The following PSMD1 variants were observed in gnomAD, a reference collection of about 807,000 sequenced individuals.
The protein encoded by PSMD1 is proteasome 26S subunit, non-ATPase 1.
A neutral mutation model predicts 119.0 loss-of-function variants in PSMD1; 18 were observed. That is an observed-to-expected ratio of 0.15 (90% CI 0.10 to 0.22). The LOEUF (loss-of-function observed/expected upper bound fraction) is 0.22. Among genes scored for constraint, PSMD1 ranks in the 10% least tolerant of loss-of-function variants. PSMD1 has a pLI of 1.00. For missense variants in PSMD1, 702 were observed against 1,158.5 expected (o/e 0.61, Z 5.72); for synonymous variants, 374 against 396.6 (o/e 0.94, Z 0.68).
chr2:231,098,966 G>A (rs1694799000), intron 16 of PSMD1, among the ~76,000 whole-genome samples: 1 of 152,126 alleles, frequency 6.6e-6, no homozygotes, highest in Non-Finnish European at 1.5e-5. Flanking sequence ...TTTTTACATT[G>A]TTCTACTTCA....
intron 9 of PSMD1, 43 bp from the exon 10 acceptor site, chr2:231,078,616 A>C: frequency 6.7e-7 from 1 of 1,493,890 alleles, no homozygotes; most frequent in Non-Finnish European, 9.2e-7. Flanking sequence ...GCATATATGA[A>C]TACTTTGCCA....
At chr2:231,088,613 T>C (rs1694511823) in intron 16 of PSMD1, among the ~76,000 whole-genome samples, 1 of 152,192 alleles carries the variant, frequency 6.6e-6, no homozygotes, top group Non-Finnish European at 1.5e-5. Context: ...ACCACACCCA[T>C]GTAAAACAGC....
rs898142740 is a variant in PSMD1 at position 231,133,927 on chromosome 2, C to G, written c.1884-4809C>G. On this transcript the variant is annotated intron_variant, in intron 16 of 24. Transcript: ENST00000308696. The stretch of plus-strand genomic sequence containing the variant: ...TGCATATGCCCTTGCACAATTCCTG[C>G]TCTGTGGAAGGCTTGTACAAATAGT... Among the ~76,000 whole-genome samples the G allele has an allele frequency of 2.6e-5, 4 of 152,192 alleles. No individual in the cohort carries two copies. The South Asian group carries it at 6.2e-4, about 24-fold the overall frequency.
chr2:231,112,094 G>A (rs141473825), intron 16 of PSMD1, among the ~76,000 whole-genome samples: 1 of 152,036 alleles, frequency 6.6e-6, no homozygotes, highest in African/African-American at 2.4e-5. Flanking sequence ...TATTCTTAAG[G>A]ATCCATTTCT....
chr2:231,155,325 ATG>A, intron 19 of PSMD1, among the ~76,000 whole-genome samples: 1 of 152,284 alleles, frequency 6.6e-6, no homozygotes, highest in Admixed American at 6.5e-5. Flanking sequence ...TCAACTAGGA[ATG>A]TGTGTATATT....
At chr2:231,096,546 C>G (rs1040021733) in intron 16 of PSMD1, among the ~76,000 whole-genome samples, 1 of 152,290 alleles carries the variant, frequency 6.6e-6, no homozygotes, top group East Asian at 1.9e-4. Flanking sequence ...GTACCTTCTT[C>G]GGGGAACCAC....
rs770350765 is a variant in PSMD1, at chr2:231,060,110, T to TA, written c.17-1156dup. Among the ~76,000 whole-genome samples the TA allele has an allele frequency of 5.3e-5, 8 of 152,378 alleles. No homozygotes were observed. In the East Asian group the frequency reaches 1.5e-3, roughly 29 times the overall value. On this transcript the variant is annotated intron_variant, in intron 1 of 24. Coordinates refer to ENST00000308696, the MANE Select transcript of PSMD1 (RefSeq NM_002807.4). ...TTTAAAGCATTCTGGCCTGTCATCT[T>TA]ACTCCACATCACTAGTTTGCAATTT...
Position 231,072,161 on chromosome 2 carries a change from G to A in PSMD1, c.655-28G>A, listed in dbSNP as rs201324638. 8 of 1,547,964 alleles carry A rather than the reference G, an allele frequency of 5.2e-6. No individual in the cohort carries two copies. In the Admixed American group the frequency reaches 1.4e-4, roughly 26 times the overall value. On this transcript the variant is annotated intron_variant, in intron 6 of 24. Transcript: ENST00000308696. ...CTTGTAGATGAAGTTTTTAATTATTGAATAATTGTTCTTTATCTCCATTTC... is the reference window on the plus strand; with the variant it reads ...CTTGTAGATGAAGTTTTTAATTATTAAATAATTGTTCTTTATCTCCATTTC...
chr2:231,161,285 AC>A lies in PSMD1; in HGVS notation c.2219-54del, dbSNP rs1696634777. ...AGAAAGATATCGTTATTATTGTCCT[AC>A]TATAATAATAGGACAATACTATTAT... On this transcript the variant is annotated intron_variant, in intron 19 of 24. Coordinates refer to ENST00000308696, the MANE Select transcript of PSMD1 (RefSeq NM_002807.4). The A allele has an allele frequency of 1.6e-5, 22 of 1,389,898 alleles. No homozygotes were observed. In the East Asian group the frequency reaches 4.9e-4, roughly 31 times the overall value. 86.1% of individuals were successfully genotyped at this position (1,389,898 alleles called of 1,614,324 possible).
intron 16 of PSMD1, among the ~76,000 whole-genome samples, chr2:231,137,065 T>A (rs887931842): frequency 6.2e-5 from 9 of 145,556 alleles, no homozygotes; most frequent in East Asian, 2.0e-4. Context: ...ATATATATAT[T>A]TTTATGTATA....
chr2:231,153,549 C>T lies in PSMD1; in HGVS notation c.2116-15C>T. ...GAGTAGACTTAGACTATAATTCTTT[C>T]TCTTGCTCCTTCAGGTGAATCAGTT... is the stretch of plus-strand genomic sequence containing the variant. On this transcript the variant is annotated splice_polypyrimidine_tract_variant and intron_variant, in intron 18 of 24. Transcript: ENST00000308696. 6.4e-7 allele frequency: 1 copy of T among 1,555,136 alleles called. No individual in the cohort carries two copies. The highest frequency in any genetic ancestry group is 8.9e-7 in the Non-Finnish European group (1 of 1,128,690).
intron 17 of PSMD1, 84 bp from the exon 18 acceptor site, chr2:231,146,156 C>T (rs1050796388): frequency 2.7e-5 from 24 of 890,968 alleles, no homozygotes; most frequent in South Asian, 1.4e-5. Flanking sequence ...CCCAGAATGT[C>T]GTTACATGGC....
intron 19 of PSMD1, among the ~76,000 whole-genome samples, chr2:231,157,593 G>T (rs1225599172): frequency 6.7e-6 from 1 of 149,716 alleles, no homozygotes; most frequent in African/African-American, 2.5e-5. Flanking sequence ...TTTTGGGGGG[G>T]GCCAATTCTG....
intron 16 of PSMD1, among the ~76,000 whole-genome samples, chr2:231,099,373 A>G (rs1694808937): frequency 6.6e-6 from 1 of 152,220 alleles, no homozygotes. Context: ...GACACGTTAC[A>G]TCCTCATTCG....
intron 4 of PSMD1, among the ~76,000 whole-genome samples, chr2:231,065,534 C>T (rs1469896952): frequency 1.3e-5 from 2 of 151,650 alleles, no homozygotes; most frequent in African/African-American, 4.9e-5. Context: ...CTCCTGACCT[C>T]GTGATCCACC....
chr2:231,156,408 G>A (rs1021062471), intron 19 of PSMD1, among the ~76,000 whole-genome samples: 2 of 151,992 alleles, frequency 1.3e-5, no homozygotes, highest in African/African-American at 4.8e-5. Flanking sequence ...CATTTTATGG[G>A]TTTTGACAGA....
At chr2:231,098,690 C>T (rs1457707825) in intron 16 of PSMD1, among the ~76,000 whole-genome samples, 2 of 152,144 alleles carry the variant, frequency 1.3e-5, no homozygotes, top group Non-Finnish European at 2.9e-5. Context: ...CTCTTTCTTC[C>T]TCTGAAAAGA....
rs1322482779 is a variant in PSMD1 at position 231,056,981 on chromosome 2, A to G, written c.-45A>G. ...CCCTGAGCTGACAGATACACTGCGC[A>G]GCTGGAACGGCGAGCGAGCCGACGG... On this transcript the variant is annotated 5_prime_UTR_variant, in exon 1 of 25. Transcript: ENST00000308696. 4 of 1,540,230 alleles carry G rather than the reference A, an allele frequency of 2.6e-6. No homozygotes were observed. Among genetic ancestry groups the G allele is most frequent in the Non-Finnish European group, 3.5e-6 (4 of 1,144,524 alleles).
intron 18 of PSMD1, among the ~76,000 whole-genome samples, chr2:231,152,775 T>TA (rs1299707678): frequency 6.6e-6 from 1 of 152,194 alleles, no homozygotes; most frequent in African/African-American, 2.4e-5. Flanking sequence ...CCTGGGTGCC[T>TA]ACCATTTGAA....
Sources: allele counts gnomAD v4.1 joint callset (sites outside exome capture counted in the v4.1 genomes callset), GRCh38; gene constraint gnomAD v4.1.1; transcripts MANE v1.5; gene names NCBI Gene and HGNC (gene_info 2026-07-23, HGNC 2026-07-21).